Variants in LRBA observed in about 807,000 individuals in gnomAD.
The protein encoded by LRBA is LPS responsive beige-like anchor protein.
A neutral mutation model predicts 330.0 loss-of-function variants in LRBA; 176 were observed. That is an observed-to-expected ratio of 0.53 (90% CI 0.47 to 0.60). The LOEUF (loss-of-function observed/expected upper bound fraction) is 0.60, where lower values mean the gene tolerates loss of function less well. Among genes scored for constraint, LRBA ranks in the 20% least tolerant of loss-of-function variants. The pLI, the probability that LRBA is intolerant of heterozygous loss-of-function variation, is 0.00. For synonymous variants in LRBA, 1,230 were observed against 1,193.0 expected (o/e 1.03, Z -0.64); for missense variants, 3,259 against 3,444.8 (o/e 0.95, Z 1.35).
chr4:150,274,996 A>G (rs1206735892), intron 56 of LRBA, among the ~76,000 whole-genome samples: 2 of 152,238 alleles, frequency 1.3e-5, no homozygotes, highest in Admixed American at 6.5e-5. Flanking sequence ...TTTCAGGCCA[A>G]TATGCCTAAT....
chr4:150,374,632 A>G (rs914021195), intron 47 of LRBA, among the ~76,000 whole-genome samples: 1 of 152,228 alleles, frequency 6.6e-6, no homozygotes, highest in African/African-American at 2.4e-5. Flanking sequence ...CATGATGCTA[A>G]AAGGAAATGC....
chr4:150,510,595 C>T (rs1054724348), intron 40 of LRBA, among the ~76,000 whole-genome samples: 2 of 152,284 alleles, frequency 1.3e-5, no homozygotes, highest in East Asian at 3.9e-4. Flanking sequence ...AAAACATCTA[C>T]GCAGTTTCCT....
At chr4:150,808,088 T>TGA (rs1743065415) in intron 32 of LRBA, among the ~76,000 whole-genome samples, 1 of 152,136 alleles carries the variant, frequency 6.6e-6, no homozygotes, top group South Asian at 2.1e-4. Flanking sequence ...TCACTTCTCA[T>TGA]GAAGTGACTT....
intron 36 of LRBA, among the ~76,000 whole-genome samples, chr4:150,688,406 T>C (rs1783815465): frequency 6.6e-6 from 1 of 152,172 alleles, no homozygotes; most frequent in African/African-American, 2.4e-5. Context: ...AAAGACTTCA[T>C]GACTAAAACA....
At chr4:150,648,181 G>GAAAAAAAAAAAAAAAAAAAAA (rs1779377963) in intron 37 of LRBA, among the ~76,000 whole-genome samples, 1 of 51,082 alleles carries the variant, frequency 2.0e-5, no homozygotes, top group Admixed American at 3.0e-4. Flanking sequence ...AAAAAAACTA[G>GAAAAAAAAAAAAAAAAAAAAA]AAAAGAGCGA....
At chr4:150,646,655 C>T (rs1039514649) in intron 37 of LRBA, among the ~76,000 whole-genome samples, 1 of 152,044 alleles carries the variant, frequency 6.6e-6, no homozygotes, top group Non-Finnish European at 1.5e-5. Context: ...GGACATTATG[C>T]TATCTTGAAG....
intron 48 of LRBA, among the ~76,000 whole-genome samples, chr4:150,333,822 G>A (rs755500311): frequency 3.3e-5 from 5 of 152,168 alleles, no homozygotes; most frequent in South Asian, 2.1e-4. Context: ...ATATGGTTAC[G>A]TTTGTATTTA....
chr4:150,658,916 G>A (rs1406272826), intron 37 of LRBA, among the ~76,000 whole-genome samples: 4 of 37,786 alleles, frequency 1.1e-4, no homozygotes, highest in African/African-American at 1.2e-4. Context: ...ACAGGGTTTC[G>A]CTGTGTTGGC....
chr4:150,613,291 T>C (rs1775445417), intron 37 of LRBA, among the ~76,000 whole-genome samples: 1 of 152,112 alleles, frequency 6.6e-6, no homozygotes, highest in African/African-American at 2.4e-5. Context: ...AATTACAATA[T>C]ATGCAAAAGG....
intron 22 of LRBA, among the ~76,000 whole-genome samples, chr4:150,862,678 TAA>T (rs56261716): frequency 7.1e-6 from 1 of 139,986 alleles, no homozygotes. Flanking sequence ...AAGTATAATT[TAA>T]AAAAAAAAAA....
intron 40 of LRBA, among the ~76,000 whole-genome samples, chr4:150,493,559 T>C (rs1399152168): frequency 6.6e-6 from 1 of 152,188 alleles, no homozygotes; most frequent in East Asian, 1.9e-4. Flanking sequence ...CGGATTTCTG[T>C]CTTCTCAAGA....
intron 22 of LRBA, 35 bp from the exon 23 acceptor site, chr4:150,852,978 A>C: frequency 7.8e-7 from 1 of 1,286,822 alleles, no homozygotes; most frequent in Non-Finnish European, 1.1e-6. Context: ...TAAAATATGC[A>C]TGAGAAATGA....
At chr4:150,506,931 T>C (rs980573676) in intron 40 of LRBA, among the ~76,000 whole-genome samples, 5 of 151,856 alleles carry the variant, frequency 3.3e-5, no homozygotes, top group East Asian at 3.9e-4. Context: ...TATACACGAA[T>C]AACAGACAAA....
chr4:150,797,941 T>C, intron 34 of LRBA, 140 bp downstream of exon 34: 2 of 583,306 alleles, frequency 3.4e-6, no homozygotes, highest in South Asian at 2.5e-5. Context: ...CCTTTTGCAA[T>C]ACAAACAAAA....
At chr4:150,561,227 G>C (rs935926894) in intron 40 of LRBA, among the ~76,000 whole-genome samples, 1 of 152,048 alleles carries the variant, frequency 6.6e-6, no homozygotes, top group Non-Finnish European at 1.5e-5. Flanking sequence ...CCATGAAGAT[G>C]AGCTATTCCA....
At chr4:150,540,013 T>G (rs762351987) in intron 40 of LRBA, among the ~76,000 whole-genome samples, 1 of 152,242 alleles carries the variant, frequency 6.6e-6, no homozygotes, top group Non-Finnish European at 1.5e-5. Context: ...ATTTATGTCA[T>G]TTGAAGTATA....
At chr4:150,305,360 G>T (rs1170956044) in intron 52 of LRBA, among the ~76,000 whole-genome samples, 1 of 152,186 alleles carries the variant, frequency 6.6e-6, no homozygotes, top group Admixed American at 6.5e-5. Flanking sequence ...CATACATTCA[G>T]TCATGGTGGT....
At chr4:150,792,400 T>C (rs1413067624) in intron 34 of LRBA, among the ~76,000 whole-genome samples, 2 of 152,058 alleles carry the variant, frequency 1.3e-5, no homozygotes, top group Non-Finnish European at 2.9e-5. Flanking sequence ...ACAGGGAAAT[T>C]TGAGGATTAA....
intron 30 of LRBA, 39 bp from the exon 31 acceptor site, chr4:150,817,296 TG>T: frequency 6.3e-7 from 1 of 1,582,086 alleles, no homozygotes; most frequent in South Asian, 1.1e-5. Flanking sequence ...AGATACAAAT[TG>T]ATCTCTTGAA....
Sources: gnomAD v4.1 joint callset for allele counts (sites outside exome capture counted in the v4.1 genomes callset) on GRCh38, gnomAD v4.1.1 for gene constraint, MANE v1.5 for transcripts, NCBI Gene and HGNC (gene_info 2026-07-23, HGNC 2026-07-21) for gene names.